The following ITGA8 variants were observed in gnomAD, a reference collection of about 807,000 sequenced individuals.
ITGA8 encodes integrin alpha-8.
ITGA8 carries 91 observed loss-of-function variants against 142.3 expected under a neutral mutation model. The observed-to-expected ratio is 0.64, with a 90% CI of 0.54 to 0.76. ITGA8 has a LOEUF of 0.76. ITGA8 is among the 30% of genes least tolerant of loss of function. The pLI is 0.00. For missense variants in ITGA8, 1,406 were observed against 1,327.7 expected (o/e 1.06, Z -0.92); for synonymous variants, 505 against 485.2 (o/e 1.04, Z -0.54).
At chr10:15,693,826 G>C (rs1477650329) in intron 2 of ITGA8, among the ~76,000 whole-genome samples, 1 of 152,084 alleles carries the variant, frequency 6.6e-6, no homozygotes, top group Non-Finnish European at 1.5e-5. Flanking sequence ...AAATTGGGAA[G>C]TCATAAACAG....
intron 28 of ITGA8, among the ~76,000 whole-genome samples, chr10:15,530,182 G>T (rs1433207684): frequency 6.6e-6 from 1 of 152,182 alleles, no homozygotes; most frequent in Non-Finnish European, 1.5e-5. Context: ...TTGCCAGGTT[G>T]CAGAGGATGA....
chr10:15,641,247 A>C (rs1332863071), intron 13 of ITGA8, among the ~76,000 whole-genome samples: 1 of 152,142 alleles, frequency 6.6e-6, no homozygotes, highest in East Asian at 1.9e-4. Context: ...ATAAATACTT[A>C]CCTAAATAAG....
chr10:15,699,534 C>T (rs1447408982), intron 2 of ITGA8, among the ~76,000 whole-genome samples: 1 of 152,138 alleles, frequency 6.6e-6, no homozygotes. Flanking sequence ...GCATTGCATC[C>T]GATTGAGTAA....
chr10:15,672,616 G>T lies in ITGA8; in HGVS notation c.802+8C>A. 6.2e-7 allele frequency: 1 copy of T among 1,609,130 alleles called. No individual in the cohort carries two copies. ...AAAACCACAAATGTCTTGGGCAATG[G>T]GTCTTACCAAGGTAACTGTCATCAT... On this transcript the variant is annotated splice_region_variant and intron_variant, in intron 7 of 29. Coordinates refer to ENST00000378076, the MANE Select transcript of ITGA8 (RefSeq NM_003638.3).
At chr10:15,650,652 G>A (rs924986202) in intron 11 of ITGA8, among the ~76,000 whole-genome samples, 2 of 152,068 alleles carry the variant, frequency 1.3e-5, no homozygotes, top group Non-Finnish European at 1.5e-5. Flanking sequence ...TCCAGTCTCC[G>A]GTATTCAATT....
chr10:15,539,028 A>C (rs902038766), intron 27 of ITGA8, among the ~76,000 whole-genome samples: 1 of 150,794 alleles, frequency 6.6e-6, no homozygotes, highest in South Asian at 2.1e-4. Context: ...TATAAACTAT[A>C]CAAAGATCTA....
At chr10:15,674,082 G>A (rs1834581093) in intron 6 of ITGA8, among the ~76,000 whole-genome samples, 1 of 152,100 alleles carries the variant, frequency 6.6e-6, no homozygotes, top group Admixed American at 6.5e-5. Context: ...CTTTCTGTTG[G>A]AAGTCCACAA....
chr10:15,613,491 T>C, intron 15 of ITGA8, 169 bp downstream of exon 15: 1 of 639,162 alleles, frequency 1.6e-6, no homozygotes, highest in Non-Finnish European at 2.8e-6. Context: ...TCCTTGCTAC[T>C]CAAACTTCGG....
Position 15,558,194 on chromosome 10 carries a change from G to A in ITGA8, c.2646C>T (p.Ala882=). The A allele has an allele frequency of 4.3e-6, 7 of 1,614,018 alleles. No homozygotes were observed. Among genetic ancestry groups the A allele is most frequent in the Non-Finnish European group, 5.9e-6 (7 of 1,179,984 alleles). Residue 882 remains alanine (A), a synonymous_variant, in exon 26 of 30, where the codon GCC becomes GCT. Transcript: ENST00000378076. ...TGAGCTCAGGGGTGTCCTCTGGGGAGGCAGCAGGCTGCAAAAAGAAAGTGG... is the reference window on the plus strand; with the variant it reads ...TGAGCTCAGGGGTGTCCTCTGGGGAAGCAGCAGGCTGCAAAAAGAAAGTGG... ...NINPQDIKPA[A]SPEDTPELSA...
intron 5 of ITGA8, among the ~76,000 whole-genome samples, chr10:15,678,132 C>T (rs557994047): frequency 1.3e-5 from 2 of 152,160 alleles, no homozygotes; most frequent in South Asian, 4.2e-4. Flanking sequence ...AATTGACATC[C>T]TCACCTTTCG....
intron 27 of ITGA8, among the ~76,000 whole-genome samples, chr10:15,538,437 G>T (rs566514017): frequency 6.6e-6 from 1 of 150,918 alleles, no homozygotes; most frequent in Non-Finnish European, 1.5e-5. Flanking sequence ...GCTTGAACCC[G>T]GGAGACGATG....
chr10:15,643,331 G>A lies in ITGA8; in HGVS notation c.1399+699C>T, dbSNP rs1308364233. On this transcript the variant is annotated intron_variant, in intron 13 of 29. Transcript: ENST00000378076. ...GTCTCACTCTGTCGCCCAGGTTAGAGCTCAGTGGCTCGATCTTGGCTCAGT... is the reference window on the plus strand; with the variant it reads ...GTCTCACTCTGTCGCCCAGGTTAGAACTCAGTGGCTCGATCTTGGCTCAGT... 2.6e-5 allele frequency among the ~76,000 whole-genome samples: 4 copies of A among 152,158 alleles called. No homozygotes were observed. The East Asian group carries it at 7.7e-4, about 29-fold the overall frequency.
intron 13 of ITGA8, among the ~76,000 whole-genome samples, chr10:15,622,803 A>G (rs539474518): frequency 6.6e-6 from 1 of 152,246 alleles, no homozygotes; most frequent in Non-Finnish European, 1.5e-5. Context: ...TCTTAAAAAG[A>G]TTACAAACAG....
intron 13 of ITGA8, among the ~76,000 whole-genome samples, chr10:15,639,030 G>A (rs1833821855): frequency 6.6e-6 from 1 of 152,062 alleles, no homozygotes; most frequent in South Asian, 2.1e-4. Flanking sequence ...TTAGGAGGCT[G>A]AGGTAAGAGG....
At chr10:15,629,005 G>A (rs1833637371) in intron 13 of ITGA8, among the ~76,000 whole-genome samples, 1 of 151,872 alleles carries the variant, frequency 6.6e-6, no homozygotes, top group Non-Finnish European at 1.5e-5. Context: ...AGCTGCAAGT[G>A]CGGCCCAGGC....
At chr10:15,648,431 T>G (rs1834026358) in intron 11 of ITGA8, among the ~76,000 whole-genome samples, 1 of 150,216 alleles carries the variant, frequency 6.7e-6, no homozygotes, top group Non-Finnish European at 1.5e-5. Flanking sequence ...TAATGTATAT[T>G]AATACATTAA....
intron 22 of ITGA8, among the ~76,000 whole-genome samples, chr10:15,587,616 T>C (rs1055396981): frequency 4.6e-5 from 7 of 152,140 alleles, no homozygotes; most frequent in Non-Finnish European, 1.0e-4. Context: ...AACACACTTT[T>C]CATTACCCAC....
rs570858874 is a variant in ITGA8 at position 15,597,224 on chromosome 10, T to C, written c.2194A>G (p.Met732Val). 57 of 1,613,680 alleles carry C rather than the reference T, an allele frequency of 3.5e-5. 1 individual carries two copies. Among genetic ancestry groups the C allele is most frequent in the Middle Eastern group, 1.6e-4 (1 of 6,062 alleles). ...TCTCTTACATTTGTTCCAGACACCA[T>C]AGGGTTCCCAAGGTCACACACCACC... ...RMVVCDLGNP[M>V]VSGTNYSLGL... The change falls in exon 21 of 30, where the codon ATG becomes GTG. Residue 732 changes from methionine to valine, a missense_variant. By Grantham distance (21) the Met-to-Val change is conservative. Coordinates refer to ENST00000378076, the MANE Select transcript of ITGA8 (RefSeq NM_003638.3).
intron 15 of ITGA8, among the ~76,000 whole-genome samples, chr10:15,613,011 A>T (rs1360773757): frequency 6.6e-6 from 1 of 152,112 alleles, no homozygotes; most frequent in Non-Finnish European, 1.5e-5. Flanking sequence ...AAATACAAAA[A>T]TTAGCTGGGA....
Sources: allele counts gnomAD v4.1 joint callset (sites outside exome capture counted in the v4.1 genomes callset), GRCh38; gene constraint gnomAD v4.1.1; transcripts MANE v1.5; gene names NCBI Gene and HGNC (gene_info 2026-07-23, HGNC 2026-07-21).